SPACA1: variants seen among roughly 807,000 people sequenced by gnomAD.
The protein encoded by SPACA1 is sperm acrosome associated 1, also known as sperm acrosome membrane-associated protein 1.
Under a neutral mutation model 32.6 loss-of-function variants are expected in SPACA1, and 17 were observed. The ratio of observed to expected loss-of-function variants is 0.52; its 90% CI spans 0.36 to 0.78. The LOEUF is 0.78. Ranked by LOEUF, SPACA1 falls within the 30% of genes least tolerant of loss-of-function variation. SPACA1 has a pLI of 0.01. For missense variants in SPACA1, 363 were observed against 373.4 expected, an observed-to-expected ratio of 0.97 and a Z score of 0.23; for synonymous variants, 140 against 138.1, an observed-to-expected ratio of 1.01 and a Z score of -0.10.
intron 6 of SPACA1, among the ~76,000 whole-genome samples, chr6:88,065,205 A>G (rs1212580774): frequency 6.7e-6 from 1 of 148,844 alleles, no homozygotes; most frequent in Admixed American, 6.7e-5. Context: ...ACATACATAT[A>G]CATATATGTA....
chr6:88,055,303 G>A (rs186466861), intron 2 of SPACA1, among the ~76,000 whole-genome samples: 2 of 152,112 alleles, frequency 1.3e-5, no homozygotes, highest in African/African-American at 2.4e-5. Flanking sequence ...GCCAGGCATC[G>A]TTATAGATGC....
intron 2 of SPACA1, among the ~76,000 whole-genome samples, 172 bp from the exon 3 acceptor site, chr6:88,057,440 A>T (rs1282347941): frequency 6.6e-6 from 1 of 152,216 alleles, no homozygotes; most frequent in East Asian, 1.9e-4. Flanking sequence ...TGTTTTAGGA[A>T]ATAATTCAAA....
intron 1 of SPACA1, among the ~76,000 whole-genome samples, chr6:88,048,764 C>A (rs1004175284): frequency 8.7e-6 from 1 of 114,384 alleles, no homozygotes; most frequent in Admixed American, 9.1e-5. Context: ...ATGAGCCCCC[C>A]GCTTGGTACA....
chr6:88,048,211 T>G, intron 1 of SPACA1, 98 bp downstream of exon 1: 1 of 1,231,370 alleles, frequency 8.1e-7, no homozygotes, highest in African/African-American at 1.5e-5. Context: ...TGTGTTAACG[T>G]CAGGAGAGCT....
Position 88,058,734 on chromosome 6 carries a change from A to T in SPACA1, c.386A>T (p.Glu129Val), listed in dbSNP as rs770864096. 6.2e-7 allele frequency: 1 copy of T among 1,613,018 alleles called. No individual in the cohort carries two copies. The highest frequency in any genetic ancestry group is 1.3e-5 in the African/African-American group (1 of 74,992). Reference protein sequence around the residue: ...TDCGWGKPISESLESVRLACI... With the variant: ...TDCGWGKPISVSLESVRLACI... Reference sequence around the variant, plus strand: ...TTTTCAGGGGGTAAACCAATTTCAGAAAGTCTTGAAAGTGTTAGATTGGCA... The same window carrying T: ...TTTTCAGGGGGTAAACCAATTTCAGTAAGTCTTGAAAGTGTTAGATTGGCA... The change falls in exon 4 of 7, where the codon GAA (glutamate) becomes GTA (valine). Residue 129 changes from glutamate (E) to valine (V), a missense_variant. Glu to Val is a moderately radical substitution (Grantham distance 121). Transcript: ENST00000237201.
At chr6:88,064,260 TC>T (rs753917586) in intron 6 of SPACA1, 41 bp downstream of exon 6, 1 of 1,581,816 alleles carries the variant, frequency 6.3e-7, no homozygotes, top group South Asian at 1.2e-5. Flanking sequence ...TTGATTGACA[TC>T]CTCTTCTTCC....
At chr6:88,047,434 C>G (rs1415247912), upstream of SPACA1, among the ~76,000 whole-genome samples, 1 of 152,042 alleles carries the variant, frequency 6.6e-6, no homozygotes, top group Admixed American at 6.5e-5. Context: ...CCAAGTCACA[C>G]GAAGAGTATG....
chr6:88,059,600 G>A lies in SPACA1; in HGVS notation c.610+12G>A, dbSNP rs369933345. On this transcript the variant is annotated intron_variant, in intron 5 of 6. Transcript: ENST00000237201. ...CTATACGAGCAGTGGTAAGTGTCCA[G>A]CAATGTCTTGGTTTGCTTATATGCC... 1.3e-5 allele frequency: 21 copies of A among 1,599,796 alleles called. No homozygotes were observed. The African/African-American group carries it at 2.7e-4, about 21-fold the overall frequency.
chr6:88,049,894 A>C (rs994804986), intron 1 of SPACA1, among the ~76,000 whole-genome samples: 8 of 152,168 alleles, frequency 5.3e-5, no homozygotes, highest in African/African-American at 1.9e-4. Context: ...CTTATCATTA[A>C]TCTTGGTTCT....
At chr6:88,065,179 C>T (rs890555374) in intron 6 of SPACA1, among the ~76,000 whole-genome samples, 9 of 147,810 alleles carry the variant, frequency 6.1e-5, no homozygotes, top group South Asian at 2.1e-4. Flanking sequence ...TGTATACAAA[C>T]GTGTATTATG....
chr6:88,048,326 C>T (rs951388860), intron 1 of SPACA1, among the ~76,000 whole-genome samples: 3 of 152,130 alleles, frequency 2.0e-5, no homozygotes, highest in African/African-American at 7.2e-5. Flanking sequence ...CAGATAAGCA[C>T]GTATATAGAA....
chr6:88,058,665 TA>T, intron 3 of SPACA1, 50 bp from the exon 4 acceptor site: 1 of 1,322,210 alleles, frequency 7.6e-7, no homozygotes, highest in Non-Finnish European at 1.1e-6. Flanking sequence ...ATTTCGTGTA[TA>T]AAGCAATTTA....
intron 5 of SPACA1, 140 bp from the exon 6 acceptor site, chr6:88,063,959 G>A: frequency 1.1e-6 from 1 of 934,732 alleles, no homozygotes; most frequent in East Asian, 2.9e-5. Context: ...AACATGCAGA[G>A]CAAGATCATT....
At chr6:88,059,650 C>T in intron 5 of SPACA1, 62 bp downstream of exon 5, 1 of 1,483,094 alleles carries the variant, frequency 6.7e-7, no homozygotes, top group Non-Finnish European at 9.0e-7. Flanking sequence ...ATTAAAATCA[C>T]TTAGAGGCTT....
In SPACA1 at chr6:88,048,149, G is replaced by T. The variant is rs372679476; in HGVS notation, c.208+36G>T. 4.6e-5 allele frequency: 71 copies of T among 1,547,820 alleles called. 2 individuals are homozygous for T. In the South Asian group the frequency reaches 6.6e-4, roughly 14 times the overall value. The stretch of plus-strand genomic sequence containing the variant: ...GAGCTCCCTTGCGGGGCACGCGGAG[G>T]CCCCTGTTGACGGAGCAAAGGCCTG... On this transcript the variant is annotated intron_variant, in intron 1 of 6. Coordinates refer to ENST00000237201, the MANE Select transcript of SPACA1 (RefSeq NM_030960.3).
At position 88,047,950 on chromosome 6, in the gene SPACA1, T is replaced by A; in HGVS notation, c.45T>A (p.Thr15=). 6.4e-7 allele frequency: 1 copy of A among 1,570,728 alleles called. No individual in the cohort carries two copies. Among genetic ancestry groups the A allele is most frequent in the Non-Finnish European group, 8.6e-7 (1 of 1,158,828 alleles). Residue 15 remains threonine (T), a synonymous_variant, in exon 1 of 7, where the codon ACT becomes ACA. Transcript: ENST00000237201. ...GCTGCTCCGCCGGGCTGCTGATGAC[T>A]GTCGGCTGGCTGCTTCTGGCGGGCC... The part of the protein sequence containing the change: ...GTGCSAGLLM[T]VGWLLLAGLQ...
intron 2 of SPACA1, among the ~76,000 whole-genome samples, chr6:88,056,959 C>A (rs1051221510): frequency 1.3e-5 from 2 of 152,144 alleles, no homozygotes; most frequent in Non-Finnish European, 2.9e-5. Flanking sequence ...TTAATACAGA[C>A]ATTTTATGAA....
In SPACA1 at chr6:88,057,630, T is replaced by C; in HGVS notation, c.284T>C (p.Val95Ala). The C allele has an allele frequency of 6.2e-7, 1 of 1,613,764 alleles. No individual in the cohort carries two copies. The stretch of plus-strand genomic sequence containing the variant: ...ACCAAAGGTATTGGTGTTAGAGAAG[T>C]TATATTAACAAATGGATGCCCTGGT... ...TVTCGIGVRE[V>A]ILTNGCPGGE... Residue 95 changes from valine (V) to alanine (A), a missense_variant, in exon 3 of 7, where the codon GTT becomes GCT. Physicochemically the swap from Val to Ala is moderately conservative, Grantham distance 64 (BLOSUM62 0). Coordinates refer to ENST00000237201, the MANE Select transcript of SPACA1 (RefSeq NM_030960.3).
At chr6:88,060,748 A>G (rs1775880811) in intron 5 of SPACA1, among the ~76,000 whole-genome samples, 1 of 152,222 alleles carries the variant, frequency 6.6e-6, no homozygotes, top group Admixed American at 6.5e-5. Context: ...CTCGTTCATG[A>G]TATTAAAGGT....
Sources: allele counts gnomAD v4.1 joint callset (sites outside exome capture counted in the v4.1 genomes callset), GRCh38; gene constraint gnomAD v4.1.1; transcripts MANE v1.5; gene names NCBI Gene and HGNC (gene_info 2026-07-23, HGNC 2026-07-21).